DMRT3: variants seen among roughly 807,000 people sequenced by gnomAD.
DMRT3 encodes doublesex- and mab-3-related transcription factor 3.
DMRT3 carries 29 observed loss-of-function variants against 34.9 expected under a neutral mutation model. That is an observed-to-expected ratio of 0.83 (90% CI 0.62 to 1.13). DMRT3 has a LOEUF of 1.13. Ranked by LOEUF, DMRT3 falls within the 50% of genes most tolerant of loss-of-function variation. DMRT3 has a pLI of 0.00. For missense variants in DMRT3, 772 were observed against 629.1 expected, an observed-to-expected ratio of 1.23 and a Z score of -2.43; for synonymous variants, 350 against 286.0, an observed-to-expected ratio of 1.22 and a Z score of -2.26.
In DMRT3 at chr9:977,088, C is replaced by A. The variant is rs1439978108; in HGVS notation, c.87C>A (p.Cys29Ter). 3 of 1,598,222 alleles carry A rather than the reference C, an allele frequency of 1.9e-6. No homozygotes were observed. Among genetic ancestry groups the A allele is most frequent in the South Asian group, 1.1e-5 (1 of 89,008 alleles). Residue 29 changes from cysteine (C) to a stop codon, truncating the protein, a stop_gained, in exon 1 of 2, where the codon TGC becomes TGA. Transcript: ENST00000190165. LOFTEE classifies it high-confidence loss of function. ...PRAPLQRTPKCARCRNHGVLS... is the reference protein window; with the variant it reads ...PRAPLQRTPK Reference sequence around the variant, plus strand: ...CGCCCCTGCAGCGCACGCCCAAGTGCGCGCGCTGCCGCAACCATGGCGTCC... The same window carrying A: ...CGCCCCTGCAGCGCACGCCCAAGTGAGCGCGCTGCCGCAACCATGGCGTCC...
chr9:977,627 G>A (rs1820169014), intron 1 of DMRT3, among the ~76,000 whole-genome samples, 172 bp downstream of exon 1: 2 of 152,200 alleles, frequency 1.3e-5, no homozygotes, highest in Admixed American at 1.3e-4. Context: ...GAAGCCGGCT[G>A]AGTCTGGACC....
rs1380431811 is a variant in DMRT3 at position 990,941 on chromosome 9, C to T, written c.1355C>T (p.Thr452Ile). The change falls in exon 2 of 2, where the codon ACC (threonine) becomes ATC (isoleucine). Residue 452 changes from threonine to isoleucine, a missense_variant. Physicochemically the swap from Thr to Ile is moderately conservative, Grantham distance 89. Coordinates refer to ENST00000190165, the MANE Select transcript of DMRT3 (RefSeq NM_021240.4). ...TTTGTGTCAAAGCAGTCCATTTACA[C>T]CGAGGACGACTATGACGAGAGGTCT... ...CPFVSKQSIY[T>I]EDDYDERSDS... is the part of the protein sequence containing the mutation. 1.2e-6 allele frequency: 2 copies of T among 1,614,110 alleles called. No homozygotes were observed. The highest frequency in any genetic ancestry group is 2.2e-5 in the South Asian group (2 of 91,072).
In DMRT3 at chr9:984,614, G is replaced by A. The variant is rs867674273; in HGVS notation, c.455-5427G>A. On this transcript the variant is annotated intron_variant, in intron 1 of 1. Transcript: ENST00000190165. ...TGGGACTACAGGCACCTGCCACCAT[G>A]CTCGGCTATTTTTTTTTGTATTTTT... 2.0e-5 allele frequency among the ~76,000 whole-genome samples: 3 copies of A among 152,040 alleles called. No individual in the cohort carries two copies. The Middle Eastern group carries it at 0.01, about 517-fold the overall frequency.
intron 1 of DMRT3, among the ~76,000 whole-genome samples, chr9:985,949 C>G (rs1820277755): frequency 6.6e-6 from 1 of 152,190 alleles, no homozygotes; most frequent in African/African-American, 2.4e-5. Flanking sequence ...TTGGTTTACG[C>G]TGAATTTGTA....
chr9:977,339 C>T lies in DMRT3; in HGVS notation c.338C>T (p.Ser113Phe). 8 of 1,262,594 alleles carry T rather than the reference C, an allele frequency of 6.3e-6. No homozygotes were observed. The highest frequency in any genetic ancestry group is 7.9e-6 in the Non-Finnish European group (8 of 1,006,694). The allele number at this position is 1,262,594 out of a possible 1,614,324, so 78.2% of individuals were successfully genotyped here. ...GCCGCCCCGCAGCCGCCGCCAGCCTCTCAGCCGTCGCAGCCGCAGCCGCCG... is the reference window on the plus strand; with the variant it reads ...GCCGCCCCGCAGCCGCCGCCAGCCTTTCAGCCGTCGCAGCCGCAGCCGCCG... The part of the protein sequence containing the change: ...AVAAPQPPPA[S>F]QPSQPQPPRP... The change falls in exon 1 of 2, where the codon TCT (serine) becomes TTT (phenylalanine). Residue 113 changes from serine to phenylalanine, a missense_variant. Physicochemically the swap from Ser to Phe is radical, Grantham distance 155. Coordinates refer to ENST00000190165, the MANE Select transcript of DMRT3 (RefSeq NM_021240.4).
At chr9:978,739 G>A (rs1015417941) in intron 1 of DMRT3, among the ~76,000 whole-genome samples, 4 of 152,224 alleles carry the variant, frequency 2.6e-5, no homozygotes, top group Non-Finnish European at 5.9e-5. Flanking sequence ...TCTGAGAACA[G>A]CCTGTGTGAC....
Position 977,199 on chromosome 9 carries a change from G to A in DMRT3, c.198G>A (p.Arg66=), listed in dbSNP as rs1467540111. The A allele has an allele frequency of 8.7e-6, 14 of 1,609,130 alleles. No individual in the cohort carries two copies. In the East Asian group the frequency reaches 2.7e-4, roughly 31 times the overall value. ...EKCILIIERQ[R]VMAAQVALRR... is the part of the protein sequence containing the mutation. ...GCATCCTCATCATCGAGCGGCAGCG[G>A]GTCATGGCTGCGCAGGTGGCGCTGC... The change falls in exon 1 of 2, where the codon CGG becomes CGA. Residue 66 remains arginine (R), a synonymous_variant. Transcript: ENST00000190165.
chr9:977,035 G>A lies in DMRT3; in HGVS notation c.34G>A (p.Gly12Ser), dbSNP rs564932983. 4.5e-6 allele frequency: 7 copies of A among 1,562,246 alleles called. No individual in the cohort carries two copies. The South Asian group carries it at 8.2e-5, about 18-fold the overall frequency. ...CTACGGCTCCCCCTACCTGTACATGGGCGGCCCGGTGTCGCAGCCGCCACG... is the reference window on the plus strand; with the variant it reads ...CTACGGCTCCCCCTACCTGTACATGAGCGGCCCGGTGTCGCAGCCGCCACG... ...NGYGSPYLYM[G>S]GPVSQPPRAP... The change falls in exon 1 of 2, where the codon GGC becomes AGC. Residue 12 changes from glycine (G) to serine (S), a missense_variant. Coordinates refer to ENST00000190165, the MANE Select transcript of DMRT3 (RefSeq NM_021240.4).
chr9:989,279 C>G (rs568479609), intron 1 of DMRT3, among the ~76,000 whole-genome samples: 1 of 152,216 alleles, frequency 6.6e-6, no homozygotes, highest in Admixed American at 6.5e-5. Flanking sequence ...ATAATGCCCC[C>G]GTGCAATTTA....
rs1189691657 is a variant in DMRT3 at position 990,149 on chromosome 9, G to T, written c.563G>T (p.Gly188Val). The change falls in exon 2 of 2, where the codon GGC becomes GTC. Residue 188 changes from glycine to valine, a missense_variant. Gly to Val is a moderately radical substitution (Grantham distance 109, BLOSUM62 -3). Transcript: ENST00000190165. The part of the protein sequence containing the change: ...RSSPDVAKSK[G>V]CFTPESPEIV... ...TCCCCAGATGTGGCAAAGAGTAAGGGCTGCTTCACCCCTGAGAGCCCTGAG... is the reference window on the plus strand; with the variant it reads ...TCCCCAGATGTGGCAAAGAGTAAGGTCTGCTTCACCCCTGAGAGCCCTGAG... The T allele has an allele frequency of 1.2e-6, 2 of 1,614,036 alleles. No individual in the cohort carries two copies. The highest frequency in any genetic ancestry group is 2.2e-5 in the South Asian group (2 of 91,068).
At chr9:989,024 G>A (rs1400646997) in intron 1 of DMRT3, among the ~76,000 whole-genome samples, 1 of 152,124 alleles carries the variant, frequency 6.6e-6, no homozygotes, top group Non-Finnish European at 1.5e-5. Flanking sequence ...ATGTTCTTAG[G>A]TCAAGATGTT....
intron 1 of DMRT3, among the ~76,000 whole-genome samples, chr9:984,472 T>TA (rs59844178): frequency 2.0e-5 from 3 of 151,998 alleles, no homozygotes; most frequent in South Asian, 2.1e-4. Context: ...TTTTTTTTTT[T>TA]ATTTAGACAG....
At position 990,796 on chromosome 9, in the gene DMRT3, A is replaced by G; in HGVS notation, c.1210A>G (p.Arg404Gly). 6.2e-7 allele frequency: 1 copy of G among 1,614,154 alleles called. No individual in the cohort carries two copies. The highest frequency in any genetic ancestry group is 8.5e-7 in the Non-Finnish European group (1 of 1,180,018). ...TMTLQQQYQL[R>G]SQYVSPFPSN... ...GACGCTGCAGCAGCAGTATCAGCTG[A>G]GGTCCCAGTATGTCAGTCCTTTCCC... The change falls in exon 2 of 2, where the codon AGG becomes GGG. Residue 404 changes from arginine (R) to glycine (G), a missense_variant. Physicochemically the swap from Arg to Gly is moderately radical, Grantham distance 125. Transcript: ENST00000190165.
chr9:982,247 C>T (rs1202771769), intron 1 of DMRT3, among the ~76,000 whole-genome samples: 1 of 152,162 alleles, frequency 6.6e-6, no homozygotes, highest in Non-Finnish European at 1.5e-5. Context: ...GCCCGAGCTG[C>T]CTGGGACTGG....
Position 984,414 on chromosome 9 carries a change from A to G in DMRT3, c.455-5627A>G, listed in dbSNP as rs568756582. Reference sequence around the variant, plus strand: ...TTTGTTTTCGTAGATATAATTGGATAGAATGGATATAACCTATGACATCTA... The same window carrying G: ...TTTGTTTTCGTAGATATAATTGGATGGAATGGATATAACCTATGACATCTA... On this transcript the variant is annotated intron_variant, in intron 1 of 1. Transcript: ENST00000190165. Among the ~76,000 whole-genome samples, 3 of 151,984 alleles carry G rather than the reference A, an allele frequency of 2.0e-5. No individual in the cohort carries two copies. The South Asian group carries it at 6.2e-4, about 32-fold the overall frequency.
chr9:985,397 C>T (rs1275748312), intron 1 of DMRT3, among the ~76,000 whole-genome samples: 1 of 152,116 alleles, frequency 6.6e-6, no homozygotes, highest in African/African-American at 2.4e-5. Flanking sequence ...AGGAGTATTT[C>T]CTATTTTATT....
intron 1 of DMRT3, among the ~76,000 whole-genome samples, chr9:989,207 C>G (rs1042772831): frequency 6.6e-6 from 1 of 152,246 alleles, no homozygotes; most frequent in Admixed American, 6.5e-5. Context: ...AGTTCATGCA[C>G]AGGTATCTGC....
chr9:987,297 C>T (rs1255947528), intron 1 of DMRT3, among the ~76,000 whole-genome samples: 3 of 152,024 alleles, frequency 2.0e-5, no homozygotes, highest in Non-Finnish European at 4.4e-5. Context: ...TAGAGTCATA[C>T]AGTATTTGTC....
In DMRT3 at chr9:990,557, C is replaced by T. The variant is rs769032439; in HGVS notation, c.971C>T (p.Ser324Leu). 16 of 1,613,990 alleles carry T rather than the reference C, an allele frequency of 9.9e-6. 1 individual carries two copies. The highest frequency in any genetic ancestry group is 8.0e-5 in the African/African-American group (6 of 74,904). ...CACACCTTGAGCTCCTACCCCATCT[C>T]GTCTTCCAAATGGTCTGTGGGATCA... ...FEHTLSSYPI[S>L]SSKWSVGSAF... The change falls in exon 2 of 2, where the codon TCG (serine) becomes TTG (leucine). Residue 324 changes from serine (S) to leucine (L), a missense_variant. Ser to Leu is a moderately radical substitution (Grantham distance 145, BLOSUM62 -2). Coordinates refer to ENST00000190165, the MANE Select transcript of DMRT3 (RefSeq NM_021240.4).
Sources: allele counts gnomAD v4.1 joint callset (sites outside exome capture counted in the v4.1 genomes callset), GRCh38; gene constraint gnomAD v4.1.1; transcripts MANE v1.5; gene names NCBI Gene and HGNC (gene_info 2026-07-23, HGNC 2026-07-21).